TOP1: variants seen among roughly 807,000 people sequenced by gnomAD.
TOP1 encodes the protein DNA topoisomerase 1.
In TOP1, 10 loss-of-function variants were observed where a neutral mutation model predicts 111.1. The observed-to-expected ratio is 0.09, with a 90% CI of 0.06 to 0.15. The LOEUF (loss-of-function observed/expected upper bound fraction) is 0.15, where lower values mean the gene tolerates loss of function less well. Ranked by LOEUF, TOP1 falls within the 10% of genes least tolerant of loss-of-function variation. The probability of loss-of-function intolerance (pLI) is 1.00; values close to 1 mark genes in which losing one functional copy is unlikely to be tolerated. For missense variants in TOP1, 474 were observed against 926.7 expected, an observed-to-expected ratio of 0.51 and a Z score of 6.34; for synonymous variants, 271 against 302.9, an observed-to-expected ratio of 0.89 and a Z score of 1.10.
chr20:41,119,624 T>C (rs1336997653), intron 18 of TOP1, among the ~76,000 whole-genome samples: 1 of 150,900 alleles, frequency 6.6e-6, no homozygotes, highest in Non-Finnish European at 1.5e-5. Flanking sequence ...TGTTGAGATT[T>C]CCTTAAGATA....
At chr20:41,081,290 T>C in intron 7 of TOP1, 50 bp downstream of exon 7, 1 of 1,549,914 alleles carries the variant, frequency 6.5e-7, no homozygotes, top group Non-Finnish European at 8.7e-7. Flanking sequence ...GAAGTGGGAG[T>C]TTTCCAGTAA....
chr20:41,113,725 A>AT (rs895715864), intron 14 of TOP1, among the ~76,000 whole-genome samples: 5 of 151,326 alleles, frequency 3.3e-5, no homozygotes, highest in African/African-American at 1.2e-4. Flanking sequence ...CAAAAAAAAA[A>AT]AAAAAAATAA....
intron 18 of TOP1, among the ~76,000 whole-genome samples, chr20:41,119,508 AT>A (rs1339426616): frequency 6.6e-6 from 1 of 152,172 alleles, no homozygotes; most frequent in African/African-American, 2.4e-5. Flanking sequence ...GAAATTATAG[AT>A]TTTTTCTCAT....
At chr20:41,119,097 C>G (rs1011482596) in intron 18 of TOP1, among the ~76,000 whole-genome samples, 2 of 152,198 alleles carry the variant, frequency 1.3e-5, no homozygotes, top group African/African-American at 4.8e-5. Context: ...TATCAAAATA[C>G]ATTTTAAAGT....
rs1006051473 is a variant in TOP1 at position 41,089,620 on chromosome 20, G to T, written c.615-2852G>T. 2.6e-5 allele frequency among the ~76,000 whole-genome samples: 4 copies of T among 152,164 alleles called. No homozygotes were observed. In the East Asian group the frequency reaches 7.7e-4, roughly 29 times the overall value. On this transcript the variant is annotated intron_variant, in intron 8 of 20. Coordinates refer to ENST00000361337, the MANE Select transcript of TOP1 (RefSeq NM_003286.4). ...GATAGTGCTGCTGTGAAACATTCGT[G>T]TACAAGTATTTGTTTGAATATTGAG...
At chr20:41,087,111 GTTTGTC>G (rs2033858925) in intron 8 of TOP1, among the ~76,000 whole-genome samples, 1 of 152,174 alleles carries the variant, frequency 6.6e-6, no homozygotes, top group Non-Finnish European at 1.5e-5. Context: ...CCGCAGACCT[GTTTGTC>G]TTTACCAGAA....
rs2034438922 is a variant in TOP1 at position 41,122,492 on chromosome 20, C to T, written c.2195+337C>T. 6.6e-6 allele frequency among the ~76,000 whole-genome samples: 1 copy of T among 152,188 alleles called. No homozygotes were observed. The highest frequency in any genetic ancestry group is 1.5e-5 in the Non-Finnish European group (1 of 68,034). On this transcript the variant is annotated intron_variant, in intron 20 of 20. Transcript: ENST00000361337. This position sits in a 1 kb window ranked among gnomAD's most constrained non-coding sequence, Gnocchi z 5.4. Reference sequence around the variant, plus strand: ...AGAATAGGAAAGAGCCCATCCATCTCTACACTTCAACAAAACTTTTCGTTG... The same window carrying T: ...AGAATAGGAAAGAGCCCATCCATCTTTACACTTCAACAAAACTTTTCGTTG...
chr20:41,030,081 C>G lies in TOP1; in HGVS notation c.58+626C>G, dbSNP rs1056133347. ...AGGAATTATGGCTCTAAAACTAAAG[C>G]CACGCTTTGTGGAGTTCTTTATATT... is the stretch of plus-strand genomic sequence containing the variant. On this transcript the variant is annotated intron_variant, in intron 2 of 20. Transcript: ENST00000361337. The surrounding 1 kb of genome is among the most constrained non-coding windows in gnomAD (Gnocchi z 4.1). Among the ~76,000 whole-genome samples, 1 of 152,008 alleles carries G rather than the reference C, an allele frequency of 6.6e-6. No individual in the cohort carries two copies. The highest frequency in any genetic ancestry group is 2.4e-5 in the African/African-American group (1 of 41,376).
chr20:41,029,117 CCCTGGCGGCCCCGGACCCCGG>C lies in TOP1; in HGVS notation c.33+24_33+44del, dbSNP rs761410196. On this transcript the variant is annotated intron_variant, in intron 1 of 20. Transcript: ENST00000361337. The surrounding 1 kb of genome is among the most constrained non-coding windows in gnomAD (Gnocchi z 6.1). The stretch of plus-strand genomic sequence containing the variant: ...GATTCCCAGGTACGGCCCGGCCTGA[CCCTGGCGGCCCCGGACCCCGG>C]CCTGGCCGTCCCGCGACCCCCGGCG... 2.0e-6 allele frequency: 3 copies of C among 1,491,350 alleles called. No individual in the cohort carries two copies. Among genetic ancestry groups the C allele is most frequent in the South Asian group, 1.3e-5 (1 of 79,188 alleles). The allele number at this position is 1,491,350 out of a possible 1,614,324, so 92.4% of individuals were successfully genotyped here.
At chr20:41,038,364 T>C (rs1204312525) in intron 2 of TOP1, among the ~76,000 whole-genome samples, 1 of 152,186 alleles carries the variant, frequency 6.6e-6, no homozygotes, top group Non-Finnish European at 1.5e-5. Context: ...TTATGAAAGG[T>C]GAAGCTTAGA....
intron 13 of TOP1, among the ~76,000 whole-genome samples, chr20:41,111,894 C>G (rs908517056): frequency 6.6e-6 from 1 of 152,134 alleles, no homozygotes; most frequent in Admixed American, 6.5e-5. Flanking sequence ...TCTCACTTGT[C>G]ATAATTGGCT....
In TOP1 at chr20:41,034,949, G is replaced by T. The variant is rs1024400047; in HGVS notation, c.58+5494G>T. 1.3e-5 allele frequency among the ~76,000 whole-genome samples: 2 copies of T among 152,138 alleles called. No individual in the cohort carries two copies. The highest frequency in any genetic ancestry group is 3.2e-3 in the Middle Eastern group (1 of 316). ...TTGTTGCCCGGGCTGGAGCGCAGTA[G>T]TGTGATTGCAGCTCACTGCAACCTC... On this transcript the variant is annotated intron_variant, in intron 2 of 20. Coordinates refer to ENST00000361337, the MANE Select transcript of TOP1 (RefSeq NM_003286.4). The surrounding 1 kb of genome is among the most constrained non-coding windows in gnomAD (Gnocchi z 4.0).
At position 41,092,719 on chromosome 20, in the gene TOP1, T is replaced by C. The variant is rs1385518976; in HGVS notation, c.730+132T>C. 1 of 552,114 alleles carries C rather than the reference T, an allele frequency of 1.8e-6. No homozygotes were observed. The highest frequency in any genetic ancestry group is 3.2e-6 in the Non-Finnish European group (1 of 314,408). 34.2% of individuals were successfully genotyped at this position (552,114 alleles called of 1,614,324 possible). ...TCATTTTGTTTTATTGCCATGCAAT[T>C]TTGAGGAAGGGGCATCAGGTGTTAA... On this transcript the variant is annotated intron_variant, in intron 9 of 20. Transcript: ENST00000361337. The surrounding 1 kb of genome is among the most constrained non-coding windows in gnomAD (Gnocchi z 4.3).
At chr20:41,073,079 G>A (rs539775637) in intron 3 of TOP1, 418 of 985,304 alleles carry the variant, frequency 4.2e-4, no homozygotes, top group South Asian at 8.5e-4. Flanking sequence ...TGGCTTCCTG[G>A]CAAATGTCTC....
intron 13 of TOP1, among the ~76,000 whole-genome samples, chr20:41,108,863 A>G (rs1175357841): frequency 6.6e-6 from 1 of 152,220 alleles, no homozygotes; most frequent in African/African-American, 2.4e-5. Context: ...AGTACAATCC[A>G]CTGCCAAGTT....
chr20:41,057,823 CAAACA>C (rs1023410166), intron 2 of TOP1, among the ~76,000 whole-genome samples: 1 of 152,104 alleles, frequency 6.6e-6, no homozygotes, highest in East Asian at 1.9e-4. Flanking sequence ...ATCTGGCCTG[CAAACA>C]AAATTAATTG....
chr20:41,085,692 G>A (rs1203823617), intron 8 of TOP1, among the ~76,000 whole-genome samples: 1 of 147,396 alleles, frequency 6.8e-6, no homozygotes, highest in Non-Finnish European at 1.5e-5. Context: ...GGTAATCACT[G>A]TTCATAATTT....
rs1037332024 is a variant in TOP1, at chr20:41,061,241, C to CT, written c.59-150dup. 6.6e-6 allele frequency among the ~76,000 whole-genome samples: 1 copy of CT among 152,058 alleles called. No individual in the cohort carries two copies. The highest frequency in any genetic ancestry group is 6.6e-5 in the Admixed American group (1 of 15,264). On this transcript the variant is annotated intron_variant, in intron 2 of 20. Coordinates refer to ENST00000361337, the MANE Select transcript of TOP1 (RefSeq NM_003286.4). The surrounding 1 kb of genome is among the most constrained non-coding windows in gnomAD (Gnocchi z 4.6). ...GCTAATGGGAGCTTTGTCTGGGCTT[C>CT]TTTGTGAAAGCTTTTTTTTTCAGTG...
In TOP1 at chr20:41,093,380, A is replaced by G. The variant is rs117039673; in HGVS notation, c.730+793A>G. On this transcript the variant is annotated intron_variant, in intron 9 of 20. Coordinates refer to ENST00000361337, the MANE Select transcript of TOP1 (RefSeq NM_003286.4). ...ACCAAAGTGGATCTGAGCCCATTTA[A>G]CAGTTGTGGGGTGGGCTTCTTTTCC... Among the ~76,000 whole-genome samples, 1,077 of 152,244 alleles carry G rather than the reference A, an allele frequency of 7.1e-3. 29 individuals carry two copies. The highest frequency in any genetic ancestry group is 4.2e-3 in the Non-Finnish European group (288 of 68,012).
Sources: gnomAD v4.1 joint callset for allele counts (sites outside exome capture counted in the v4.1 genomes callset) on GRCh38, gnomAD v4.1.1 for gene constraint, Gnocchi (gnomAD v3.1) non-coding constraint, MANE v1.5 for transcripts, NCBI Gene and HGNC (gene_info 2026-07-23, HGNC 2026-07-21) for gene names.